FHOD3: variants seen among roughly 807,000 people sequenced by gnomAD.
The protein encoded by FHOD3 is formin homology 2 domain containing 3.
A neutral mutation model predicts 173.0 loss-of-function variants in FHOD3; 90 were observed. That is an observed-to-expected ratio of 0.52 (90% CI 0.44 to 0.62). The LOEUF is 0.62. Among genes scored for constraint, FHOD3 ranks in the 20% least tolerant of loss-of-function variants. FHOD3 has a pLI of 0.00. For synonymous variants in FHOD3, 828 were observed against 823.0 expected, an observed-to-expected ratio of 1.01 and a Z score of -0.10; for missense variants, 1,945 against 2,034.7, an observed-to-expected ratio of 0.96 and a Z score of 0.85.
At chr18:36,759,739 C>T (rs1225705799) in intron 26 of FHOD3, among the ~76,000 whole-genome samples, 2 of 152,136 alleles carry the variant, frequency 1.3e-5, no homozygotes, top group Non-Finnish European at 2.9e-5. Flanking sequence ...AGGAGAGAGC[C>T]GTGTAGATGC....
chr18:36,511,189 A>G (rs1224586480), intron 4 of FHOD3, among the ~76,000 whole-genome samples: 1 of 152,088 alleles, frequency 6.6e-6, no homozygotes, highest in Non-Finnish European at 1.5e-5. Context: ...ATCATTTAAG[A>G]TGAATGTTTC....
At chr18:36,465,646 A>T (rs2052870866) in intron 3 of FHOD3, among the ~76,000 whole-genome samples, 1 of 152,088 alleles carries the variant, frequency 6.6e-6, no homozygotes, top group Non-Finnish European at 1.5e-5. Context: ...TTTGTGAGAG[A>T]TTGATCACCC....
intron 5 of FHOD3, among the ~76,000 whole-genome samples, chr18:36,547,304 A>C (rs1219261662): frequency 6.6e-6 from 1 of 152,238 alleles, no homozygotes; most frequent in Non-Finnish European, 1.5e-5. Flanking sequence ...CCATGGTTGC[A>C]CATCACCACA....
intron 3 of FHOD3, among the ~76,000 whole-genome samples, chr18:36,476,561 G>A (rs547153316): frequency 6.6e-6 from 1 of 152,254 alleles, no homozygotes; most frequent in East Asian, 1.9e-4. Context: ...GTCAGGAAAG[G>A]GCCGTAGGAT....
chr18:36,704,682 T>C (rs2039772631), intron 17 of FHOD3, among the ~76,000 whole-genome samples: 1 of 152,140 alleles, frequency 6.6e-6, no homozygotes, highest in Non-Finnish European at 1.5e-5. Flanking sequence ...GCCTTCACTG[T>C]TCTCTCCTGG....
At chr18:36,380,535 T>C (rs1400300675) in intron 3 of FHOD3, among the ~76,000 whole-genome samples, 4 of 146,884 alleles carry the variant, frequency 2.7e-5, no homozygotes, top group African/African-American at 1.0e-4. Flanking sequence ...CTTTTTCCCT[T>C]TCTCTCTCTT....
At chr18:36,717,358 C>T (rs1014933667) in intron 18 of FHOD3, among the ~76,000 whole-genome samples, 13 of 152,078 alleles carry the variant, frequency 8.5e-5, no homozygotes, top group African/African-American at 3.1e-4. Flanking sequence ...ATCAGTGGCA[C>T]AGTTTGTGTG....
intron 19 of FHOD3, 112 bp from the exon 20 acceptor site, chr18:36,730,534 C>G (rs951680413): frequency 9.5e-7 from 1 of 1,056,722 alleles, no homozygotes; most frequent in African/African-American, 1.6e-5. Context: ...CTGAGCTGAA[C>G]TGGGGCCATT....
At chr18:36,512,197 T>C (rs2055695447) in intron 4 of FHOD3, among the ~76,000 whole-genome samples, 1 of 152,262 alleles carries the variant, frequency 6.6e-6, no homozygotes, top group African/African-American at 2.4e-5. Flanking sequence ...AGGAGATTCA[T>C]TTGCCTTATC....
intron 1 of FHOD3, among the ~76,000 whole-genome samples, chr18:36,324,278 C>T (rs1052686458): frequency 1.3e-5 from 2 of 152,092 alleles, no homozygotes; most frequent in African/African-American, 2.4e-5. Flanking sequence ...AATAAAGCCC[C>T]TAGGAGATAA....
intron 1 of FHOD3, among the ~76,000 whole-genome samples, chr18:36,316,124 TAA>T (rs754327581): frequency 3.6e-5 from 5 of 140,160 alleles, no homozygotes; most frequent in Non-Finnish European, 1.6e-5. Context: ...TTGCTCTCAT[TAA>T]AAAAAAAAAA....
intron 3 of FHOD3, among the ~76,000 whole-genome samples, chr18:36,450,602 G>T (rs1376061275): frequency 6.6e-6 from 1 of 151,856 alleles, no homozygotes; most frequent in Admixed American, 6.6e-5. Context: ...GACCAGCCTG[G>T]GCAACATGGT....
intron 5 of FHOD3, among the ~76,000 whole-genome samples, chr18:36,538,933 G>C (rs775792953): frequency 6.6e-6 from 1 of 152,196 alleles, no homozygotes; most frequent in Non-Finnish European, 1.5e-5. Flanking sequence ...GAAATGCTTG[G>C]TCTTGATATA....
intron 20 of FHOD3, among the ~76,000 whole-genome samples, chr18:36,736,577 C>T (rs1427029081): frequency 6.6e-6 from 1 of 152,196 alleles, no homozygotes; most frequent in Non-Finnish European, 1.5e-5. Flanking sequence ...CCCAGCTGCA[C>T]TCCTCTTTGA....
chr18:36,543,713 A>C (rs932379589), intron 5 of FHOD3, among the ~76,000 whole-genome samples: 3 of 152,182 alleles, frequency 2.0e-5, no homozygotes, highest in Admixed American at 2.0e-4. Context: ...GGCCCAGTTG[A>C]GCTCCAAAAT....
At position 36,623,786 on chromosome 18, in the gene FHOD3, G is replaced by A. The variant is rs2033889476; in HGVS notation, c.958-1725G>A. 2.6e-5 allele frequency among the ~76,000 whole-genome samples: 4 copies of A among 152,196 alleles called. No individual in the cohort carries two copies. The South Asian group carries it at 8.3e-4, about 32-fold the overall frequency. On this transcript the variant is annotated intron_variant, in intron 9 of 28. Transcript: ENST00000590592. ...GATTTTGTGAAAGCTTGAGCTGGTG[G>A]AAACAGGGTAGGGCAGATAAGGGTG...
chr18:36,477,486 CCCATCCATCCAT>C (rs1197297465), intron 3 of FHOD3, among the ~76,000 whole-genome samples: 12 of 125,634 alleles, frequency 9.6e-5, no homozygotes, highest in South Asian at 4.8e-4. Flanking sequence ...CACTCACCCA[CCCATCCATCCAT>C]CCATCCATCC....
At chr18:36,778,008 G>T (rs1221230394) in intron 28 of FHOD3, 3 of 152,164 alleles carry the variant, frequency 2.0e-5, no homozygotes, top group Non-Finnish European at 4.4e-5. Flanking sequence ...ATCATTTGTT[G>T]GTTGACCAAT....
intron 5 of FHOD3, among the ~76,000 whole-genome samples, chr18:36,576,017 T>C (rs2058635023): frequency 6.6e-6 from 1 of 152,234 alleles, no homozygotes; most frequent in Non-Finnish European, 1.5e-5. Context: ...CCACAGAATC[T>C]AAGACTTGCT....
Sources: gnomAD v4.1 joint callset for allele counts (sites outside exome capture counted in the v4.1 genomes callset) on GRCh38, gnomAD v4.1.1 for gene constraint, MANE v1.5 for transcripts, NCBI Gene and HGNC (gene_info 2026-07-23, HGNC 2026-07-21) for gene names.